NELL2: variants seen among roughly 807,000 people sequenced by gnomAD.
NELL2 encodes protein kinase C-binding protein NELL2.
A neutral mutation model predicts 109.6 loss-of-function variants in NELL2; 41 were observed. The observed-to-expected ratio is 0.37, with a 90% CI of 0.29 to 0.49. The LOEUF is 0.49. Ranked by LOEUF, NELL2 falls within the 20% of genes least tolerant of loss-of-function variation. The probability of loss-of-function intolerance (pLI) is 0.98; values close to 1 mark genes in which losing one functional copy is unlikely to be tolerated. For synonymous variants in NELL2, 355 were observed against 344.7 expected (o/e 1.03, Z -0.33); for missense variants, 900 against 1,008.3 (o/e 0.89, Z 1.45).
chr12:44,783,237 T>C (rs1942030818), intron 3 of NELL2, among the ~76,000 whole-genome samples: 1 of 150,720 alleles, frequency 6.6e-6, no homozygotes, highest in South Asian at 2.1e-4. Context: ...GGTAAAGCAA[T>C]ACTTGAGAGA....
At chr12:44,732,077 A>T (rs562658100) in intron 9 of NELL2, among the ~76,000 whole-genome samples, 2 of 152,170 alleles carry the variant, frequency 1.3e-5, no homozygotes, top group Non-Finnish European at 2.9e-5. Flanking sequence ...ATTTAAAAAG[A>T]CATTAAAAAA....
At chr12:44,626,570 A>G (rs894356006) in intron 13 of NELL2, among the ~76,000 whole-genome samples, 2 of 152,192 alleles carry the variant, frequency 1.3e-5, no homozygotes, top group Admixed American at 6.6e-5. Flanking sequence ...TTCAAATAAA[A>G]GTTGGATGAG....
rs527519466 is a variant in NELL2, at chr12:44,638,832, T to C, written c.1444+26652A>G. Among the ~76,000 whole-genome samples, 9 of 152,320 alleles carry C rather than the reference T, an allele frequency of 5.9e-5. No homozygotes were observed. The South Asian group carries it at 1.7e-3, about 28-fold the overall frequency. On this transcript the variant is annotated intron_variant, in intron 13 of 19. Coordinates refer to ENST00000429094, the MANE Select transcript of NELL2 (RefSeq NM_001145108.2). ...TCATTCTCCAGCTAGCGCTGATAAA[T>C]TGGCATGAGTTAGAAGTAGTCTATA...
intron 2 of NELL2, among the ~76,000 whole-genome samples, chr12:44,847,533 T>C (rs1944406092): frequency 6.9e-6 from 1 of 144,868 alleles, no homozygotes; most frequent in African/African-American, 2.6e-5. Flanking sequence ...GTCTTCTGCC[T>C]GAAAGATTTT....
chr12:44,863,995 C>T (rs1447720814), intron 2 of NELL2, among the ~76,000 whole-genome samples: 1 of 151,938 alleles, frequency 6.6e-6, no homozygotes, highest in Admixed American at 6.6e-5. Context: ...GTTAAAATAG[C>T]CTGTTTTAAC....
At chr12:44,631,779 A>G (rs527532441) in intron 13 of NELL2, among the ~76,000 whole-genome samples, 7 of 152,240 alleles carry the variant, frequency 4.6e-5, no homozygotes, top group African/African-American at 1.7e-4. Flanking sequence ...TCAATGGTAC[A>G]CAGTCTTCTA....
At chr12:44,515,924 G>C (rs1465397356) in intron 19 of NELL2, among the ~76,000 whole-genome samples, 1 of 151,706 alleles carries the variant, frequency 6.6e-6, no homozygotes, top group African/African-American at 2.4e-5. Flanking sequence ...TTTTAATAGA[G>C]TCCATTTCCT....
chr12:44,644,610 A>AAG lies in NELL2; in HGVS notation c.1444+20873_1444+20874insCT, dbSNP rs1233923064. Among the ~76,000 whole-genome samples, 7 of 84,540 alleles carry AAG rather than the reference A, an allele frequency of 8.3e-5. No homozygotes were observed. The South Asian group carries it at 1.5e-3, about 18-fold the overall frequency. The allele number at this position is 84,540 out of a possible 152,430, so 55.5% of individuals were successfully genotyped here. On this transcript the variant is annotated intron_variant, in intron 13 of 19. Transcript: ENST00000429094. ...TATATATATATATATATATGTATGT[A>AAG]TATATATATATATATACATACATAT...
chr12:44,657,225 C>T (rs1432663166), intron 13 of NELL2, among the ~76,000 whole-genome samples: 2 of 152,046 alleles, frequency 1.3e-5, no homozygotes, highest in African/African-American at 4.8e-5. Context: ...TCATAATTAG[C>T]AAATTAAACA....
intron 3 of NELL2, among the ~76,000 whole-genome samples, chr12:44,799,357 T>G (rs1942750170): frequency 6.6e-6 from 1 of 152,126 alleles, no homozygotes; most frequent in African/African-American, 2.4e-5. Flanking sequence ...GGAGATCAGA[T>G]TCATTATACT....
At chr12:44,863,070 T>C (rs1312129386) in intron 2 of NELL2, among the ~76,000 whole-genome samples, 1 of 152,118 alleles carries the variant, frequency 6.6e-6, no homozygotes, top group Non-Finnish European at 1.5e-5. Context: ...ATTAAGTATT[T>C]CTCCTAATGC....
intron 15 of NELL2, among the ~76,000 whole-genome samples, chr12:44,539,841 A>G (rs1279444888): frequency 6.6e-6 from 1 of 152,234 alleles, no homozygotes; most frequent in Non-Finnish European, 1.5e-5. Context: ...AGATTCATAA[A>G]CACATGCTGA....
intron 15 of NELL2, among the ~76,000 whole-genome samples, chr12:44,575,836 C>A (rs1371188020): frequency 6.6e-6 from 1 of 152,200 alleles, no homozygotes; most frequent in African/African-American, 2.4e-5. Flanking sequence ...TCTCCACATT[C>A]ATGCCAAAGT....
chr12:44,724,808 T>A (rs1201787039), intron 9 of NELL2, among the ~76,000 whole-genome samples: 10 of 120,420 alleles, frequency 8.3e-5, no homozygotes, highest in African/African-American at 9.8e-5. Context: ...GACAAGGCAA[T>A]CCTAAGGGGA....
At chr12:44,639,381 C>G (rs577134166) in intron 13 of NELL2, among the ~76,000 whole-genome samples, 1 of 152,262 alleles carries the variant, frequency 6.6e-6, no homozygotes, top group South Asian at 2.1e-4. Flanking sequence ...GTTATCATAA[C>G]GACGACCATG....
chr12:44,606,600 G>T (rs2096888038), intron 15 of NELL2, among the ~76,000 whole-genome samples: 1 of 152,036 alleles, frequency 6.6e-6, no homozygotes, highest in African/African-American at 2.4e-5. Context: ...ACTATATATT[G>T]TTTTTAAAAT....
At chr12:44,760,232 T>A (rs919627535) in intron 9 of NELL2, among the ~76,000 whole-genome samples, 4 of 152,210 alleles carry the variant, frequency 2.6e-5, no homozygotes, top group African/African-American at 9.6e-5. Context: ...CCCATGAGAC[T>A]TCTTTCATTA....
At chr12:44,858,704 C>A (rs1944751829) in intron 2 of NELL2, among the ~76,000 whole-genome samples, 1 of 152,138 alleles carries the variant, frequency 6.6e-6, no homozygotes, top group Non-Finnish European at 1.5e-5. Flanking sequence ...AGACTAATGT[C>A]TATCCCGGCA....
At chr12:44,682,422 A>C (rs953209741) in intron 12 of NELL2, among the ~76,000 whole-genome samples, 1 of 152,072 alleles carries the variant, frequency 6.6e-6, no homozygotes, top group East Asian at 1.9e-4. Flanking sequence ...CTTTAGTTGA[A>C]TTAGATCCCA....
Sources: gnomAD v4.1 joint callset for allele counts (sites outside exome capture counted in the v4.1 genomes callset) on GRCh38, gnomAD v4.1.1 for gene constraint, MANE v1.5 for transcripts, NCBI Gene and HGNC (gene_info 2026-07-23, HGNC 2026-07-21) for gene names.